The following AGBL1 variants were observed in gnomAD, a reference collection of about 807,000 sequenced individuals.
AGBL1 encodes AGBL carboxypeptidase 1, also known as cytosolic carboxypeptidase 4.
AGBL1 carries 130 observed loss-of-function variants against 118.9 expected under a neutral mutation model. That is an observed-to-expected ratio of 1.09 (90% CI 0.95 to 1.26). The LOEUF (loss-of-function observed/expected upper bound fraction) is 1.26, where lower values mean the gene tolerates loss of function less well. Ranked by LOEUF, AGBL1 falls within the 50% of genes most tolerant of loss-of-function variation. The pLI is 0.00. For synonymous variants in AGBL1, 555 were observed against 478.9 expected (o/e 1.16, Z -2.08); for missense variants, 1,584 against 1,298.1 (o/e 1.22, Z -3.38).
At chr15:86,807,842 G>C (rs756246545) in intron 22 of AGBL1, among the ~76,000 whole-genome samples, 3 of 152,136 alleles carry the variant, frequency 2.0e-5, no homozygotes, top group African/African-American at 7.2e-5. Flanking sequence ...TGTACCTACA[G>C]TATGTGAGAG....
At chr15:86,149,464 C>G (rs2077077523) in intron 3 of AGBL1, among the ~76,000 whole-genome samples, 1 of 152,072 alleles carries the variant, frequency 6.6e-6, no homozygotes, top group South Asian at 2.1e-4. Flanking sequence ...CAAAAAAAAG[C>G]AGGGGTTGCA....
At chr15:86,922,620 G>A (rs1303404676) in intron 23 of AGBL1, among the ~76,000 whole-genome samples, 4 of 152,126 alleles carry the variant, frequency 2.6e-5, no homozygotes, top group Non-Finnish European at 4.4e-5. Flanking sequence ...TAAACAGAAG[G>A]TAGAAAACTG....
intron 18 of AGBL1, among the ~76,000 whole-genome samples, chr15:86,407,262 G>A (rs1200452333): frequency 2.0e-5 from 3 of 152,166 alleles, no homozygotes; most frequent in Non-Finnish European, 4.4e-5. Context: ...AAAGGAGATT[G>A]AGTGACATAC....
chr15:86,955,426 C>G, intron 23 of AGBL1, among the ~76,000 whole-genome samples: 1 of 151,054 alleles, frequency 6.6e-6, no homozygotes. Flanking sequence ...AACAAAGGAG[C>G]CAAGAATTCA....
chr15:86,276,724 A>G (rs551973494), intron 15 of AGBL1, among the ~76,000 whole-genome samples: 1 of 152,328 alleles, frequency 6.6e-6, no homozygotes, highest in African/African-American at 2.4e-5. Context: ...AGGAAGATGG[A>G]AAGGGCTTTC....
chr15:86,674,155 A>T (rs754482057), intron 21 of AGBL1, 118 bp from the exon 22 acceptor site: 2 of 972,674 alleles, frequency 2.1e-6, no homozygotes, highest in African/African-American at 1.6e-5. Flanking sequence ...GACAAATACA[A>T]TTAATTCTCA....
intron 21 of AGBL1, among the ~76,000 whole-genome samples, chr15:86,581,618 T>C (rs1783184828): frequency 1.3e-5 from 2 of 152,180 alleles, no homozygotes; most frequent in Admixed American, 1.3e-4. Flanking sequence ...AATTTGTGTG[T>C]CATAACACTC....
In AGBL1 at chr15:86,801,044, C is replaced by T. The variant is rs191128709; in HGVS notation, c.3159-106043C>T. ...GTTTGAAATAGGTGTCTCTTCTTAGCACATCTTTGCCTTCAGACAAAAAAA... is the reference window on the plus strand; with the variant it reads ...GTTTGAAATAGGTGTCTCTTCTTAGTACATCTTTGCCTTCAGACAAAAAAA... On this transcript the variant is annotated intron_variant, in intron 22 of 22. Coordinates refer to ENST00000614907, the MANE Select transcript of AGBL1 (RefSeq NM_001386094.1). Among the ~76,000 whole-genome samples, 5 of 152,124 alleles carry T rather than the reference C, an allele frequency of 3.3e-5. No individual in the cohort carries two copies. In the East Asian group the frequency reaches 5.8e-4, roughly 18 times the overall value.
chr15:86,808,227 T>C (rs186048070), intron 22 of AGBL1, among the ~76,000 whole-genome samples: 92 of 152,278 alleles, frequency 6.0e-4, no homozygotes, highest in African/African-American at 2.1e-3. Flanking sequence ...TCCATGCGTC[T>C]CAGTTGAGAG....
At chr15:86,897,764 C>CTT (rs71460231) in intron 22 of AGBL1, among the ~76,000 whole-genome samples, 8,627 of 80,612 alleles carry the variant, frequency 0.11, 950 homozygotes, top group African/African-American at 0.15. Context: ...CATCTTTTAT[C>CTT]TTTTTTTTTT....
intron 21 of AGBL1, chr15:86,556,234 G>C (rs1402466643): frequency 6.2e-7 from 1 of 1,613,040 alleles, no homozygotes; most frequent in Admixed American, 1.7e-5. Flanking sequence ...GTACACAGAG[G>C]CTGTTGGAGA....
chr15:86,263,354 C>T (rs1017503218), intron 10 of AGBL1, among the ~76,000 whole-genome samples: 17 of 152,124 alleles, frequency 1.1e-4, no homozygotes, highest in Non-Finnish European at 2.4e-4. Flanking sequence ...CTAGGTACAC[C>T]GTAGGCTAAA....
chr15:86,290,818 C>T (rs1393502474), intron 16 of AGBL1, among the ~76,000 whole-genome samples: 1 of 151,866 alleles, frequency 6.6e-6, no homozygotes, highest in African/African-American at 2.4e-5. Flanking sequence ...TTAGGTATAT[C>T]TCCTAATGCC....
chr15:86,724,235 C>CA lies in AGBL1; in HGVS notation c.3158+49818dup, dbSNP rs1204898095. On this transcript the variant is annotated intron_variant, in intron 22 of 22. Transcript: ENST00000614907. ...TGGATGACAGAGTGAGACTCCATCT[C>CA]AAAAAAAAAAAAAAAAAAAGAAGGT... Among the ~76,000 whole-genome samples the CA allele has an allele frequency of 1.9e-3, 140 of 73,818 alleles. 7 individuals carry two copies. The highest frequency in any genetic ancestry group is 5.7e-3 in the South Asian group (9 of 1,584). The allele number at this position is 73,818 out of a possible 152,430, so 48.4% of individuals were successfully genotyped here.
intron 24 of AGBL1, among the ~76,000 whole-genome samples, chr15:87,019,394 TGTTATAACTGAA>T (rs2081639668): frequency 1.7e-5 from 1 of 58,438 alleles, no homozygotes; most frequent in Non-Finnish European, 3.2e-5. Flanking sequence ...GCAAAAGCAA[TGTTATAACTGAA>T]GTTATAACAA....
At chr15:86,239,403 A>G (rs1011166016) in intron 6 of AGBL1, among the ~76,000 whole-genome samples, 1 of 152,182 alleles carries the variant, frequency 6.6e-6, no homozygotes, top group Non-Finnish European at 1.5e-5. Context: ...TATGGATGGC[A>G]TTAGGTTTCC....
At chr15:86,105,797 G>A (rs1897021510) in intron 1 of AGBL1, among the ~76,000 whole-genome samples, 1 of 152,102 alleles carries the variant, frequency 6.6e-6, no homozygotes, top group East Asian at 1.9e-4. Flanking sequence ...AGTTCTTTTT[G>A]TAACTCTTTG....
At chr15:86,777,335 T>A (rs1453860404) in intron 22 of AGBL1, among the ~76,000 whole-genome samples, 1 of 152,044 alleles carries the variant, frequency 6.6e-6, no homozygotes, top group African/African-American at 2.4e-5. Flanking sequence ...TATTACACAA[T>A]TATATTAAAA....
intron 21 of AGBL1, among the ~76,000 whole-genome samples, chr15:86,641,606 G>A (rs2085192438): frequency 6.6e-6 from 1 of 151,628 alleles, no homozygotes; most frequent in Non-Finnish European, 1.5e-5. Context: ...CTTGTCTTTG[G>A]ACTTTATATA....
Sources: allele counts gnomAD v4.1 joint callset (sites outside exome capture counted in the v4.1 genomes callset), GRCh38; gene constraint gnomAD v4.1.1; transcripts MANE v1.5; gene names NCBI Gene and HGNC (gene_info 2026-07-23, HGNC 2026-07-21).